The following PPP1R12B variants were observed in gnomAD, a reference collection of about 807,000 sequenced individuals.
The protein encoded by PPP1R12B is protein phosphatase 1 regulatory subunit 12B, also known as myosin phosphatase target subunit 2.
In PPP1R12B, 76 loss-of-function variants were observed where a neutral mutation model predicts 126.1. The observed-to-expected ratio is 0.60, with a 90% CI of 0.50 to 0.73. The LOEUF is 0.73. PPP1R12B is among the 30% of genes least tolerant of loss of function. PPP1R12B has a pLI of 0.00. For synonymous variants in PPP1R12B, 356 were observed against 434.7 expected (o/e 0.82, Z 2.25); for missense variants, 1,052 against 1,205.1 (o/e 0.87, Z 1.88).
chr1:202,481,544 A>C (rs1677365520), intron 13 of PPP1R12B, among the ~76,000 whole-genome samples: 1 of 115,276 alleles, frequency 8.7e-6, no homozygotes, highest in Non-Finnish European at 2.0e-5. Context: ...TTTTTTAATA[A>C]AAAAAAATTG....
At chr1:202,530,268 A>G (rs1316927749) in intron 18 of PPP1R12B, among the ~76,000 whole-genome samples, 1 of 152,076 alleles carries the variant, frequency 6.6e-6, no homozygotes, top group Non-Finnish European at 1.5e-5. Flanking sequence ...GCACCCTCCA[A>G]TCATTGTGAC....
chr1:202,467,977 A>G (rs1675275566), intron 13 of PPP1R12B, among the ~76,000 whole-genome samples: 1 of 152,204 alleles, frequency 6.6e-6, no homozygotes, highest in South Asian at 2.1e-4. Flanking sequence ...ATGGCCAGTG[A>G]TGATGAGCAT....
intron 1 of PPP1R12B, among the ~76,000 whole-genome samples, chr1:202,368,866 C>T (rs561008108): frequency 5.3e-5 from 8 of 152,150 alleles, no homozygotes; most frequent in South Asian, 2.1e-4. Context: ...TGAGTAGCTA[C>T]GACTACAGGA....
At chr1:202,501,785 T>C (rs1572299386) in intron 18 of PPP1R12B, 2 of 908,090 alleles carry the variant, frequency 2.2e-6, no homozygotes, top group East Asian at 2.4e-4. Flanking sequence ...TGTTTGACTG[T>C]AGTGAAGCAA....
chr1:202,403,174 G>A (rs567702877), intron 1 of PPP1R12B, among the ~76,000 whole-genome samples: 55 of 152,276 alleles, frequency 3.6e-4, no homozygotes, highest in African/African-American at 1.2e-3. Context: ...CTGGGGCACT[G>A]AGAAACGCAT....
At chr1:202,421,669 C>T (rs1668805191) in intron 2 of PPP1R12B, among the ~76,000 whole-genome samples, 2 of 150,824 alleles carry the variant, frequency 1.3e-5, no homozygotes, top group Admixed American at 6.6e-5. Flanking sequence ...AAAGGGGTTT[C>T]TTCAATATAG....
chr1:202,556,025 G>T (rs1686893876), intron 18 of PPP1R12B, among the ~76,000 whole-genome samples: 1 of 151,920 alleles, frequency 6.6e-6, no homozygotes, highest in African/African-American at 2.4e-5. Flanking sequence ...ACAAGCATGT[G>T]CCACCATACC....
At chr1:202,431,397 A>G in intron 7 of PPP1R12B, 83 bp from the exon 8 acceptor site, 1 of 1,136,340 alleles carries the variant, frequency 8.8e-7, no homozygotes, top group South Asian at 1.8e-5. Context: ...TATTGCTTCC[A>G]CATATAGGTT....
chr1:202,570,832 G>A (rs1349357541), intron 23 of PPP1R12B, among the ~76,000 whole-genome samples: 1 of 152,166 alleles, frequency 6.6e-6, no homozygotes, highest in Non-Finnish European at 1.5e-5. Flanking sequence ...TGAGCTAACT[G>A]TTTCTTGATG....
chr1:202,550,253 G>A (rs549085356), intron 18 of PPP1R12B, among the ~76,000 whole-genome samples: 10 of 152,260 alleles, frequency 6.6e-5, no homozygotes, highest in African/African-American at 2.4e-4. Context: ...TCACAGCCTA[G>A]TCCAAATAAA....
intron 18 of PPP1R12B, among the ~76,000 whole-genome samples, chr1:202,512,978 G>A (rs1487442535): frequency 1.3e-5 from 2 of 152,120 alleles, no homozygotes; most frequent in African/African-American, 2.4e-5. Context: ...CTCCTTGAAG[G>A]CAGGGTCTGG....
At chr1:202,547,436 G>A (rs1046296628) in intron 18 of PPP1R12B, among the ~76,000 whole-genome samples, 1 of 152,154 alleles carries the variant, frequency 6.6e-6, no homozygotes, top group Non-Finnish European at 1.5e-5. Context: ...TGGTTACACA[G>A]CATGGAAAGA....
At chr1:202,487,814 G>A (rs1678352076) in intron 13 of PPP1R12B, among the ~76,000 whole-genome samples, 1 of 152,048 alleles carries the variant, frequency 6.6e-6, no homozygotes, top group African/African-American at 2.4e-5. Context: ...CAGCATGTTG[G>A]TCAGGTTGGT....
intron 9 of PPP1R12B, among the ~76,000 whole-genome samples, chr1:202,435,076 T>C (rs1057249186): frequency 6.6e-6 from 1 of 152,174 alleles, no homozygotes; most frequent in Non-Finnish European, 1.5e-5. Context: ...GAAGGAGCTC[T>C]GGTGTCTCTT....
intron 9 of PPP1R12B, among the ~76,000 whole-genome samples, chr1:202,436,012 C>T (rs1351830696): frequency 1.3e-5 from 2 of 152,256 alleles, no homozygotes; most frequent in African/African-American, 2.4e-5. Flanking sequence ...ATAATCTCAG[C>T]ACTTTGGGAG....
chr1:202,555,353 AGCTTGTTTCGTC>A (rs1686803638), intron 18 of PPP1R12B, among the ~76,000 whole-genome samples: 1 of 121,584 alleles, frequency 8.2e-6, no homozygotes. Context: ...AAAAAAAAAA[AGCTTGTTTCGTC>A]ACCATAGAGG....
At chr1:202,481,951 C>A (rs888485602) in intron 13 of PPP1R12B, among the ~76,000 whole-genome samples, 2 of 152,082 alleles carry the variant, frequency 1.3e-5, no homozygotes, top group African/African-American at 4.8e-5. Context: ...ACTCCCCCCA[C>A]CTTTTTTTAG....
intron 22 of PPP1R12B, 61 bp downstream of exon 22, chr1:202,567,892 A>G (rs372490888): frequency 6.3e-7 from 1 of 1,575,294 alleles, no homozygotes; most frequent in Non-Finnish European, 8.7e-7. Context: ...ACTCTCTCCC[A>G]CTTTGTTATT....
chr1:202,403,692 A>C (rs1666168790), intron 1 of PPP1R12B, among the ~76,000 whole-genome samples: 1 of 152,266 alleles, frequency 6.6e-6, no homozygotes, highest in African/African-American at 2.4e-5. Context: ...AGTACTTGTT[A>C]GTTTGCTGCT....
Sources: allele counts gnomAD v4.1 joint callset (sites outside exome capture counted in the v4.1 genomes callset), GRCh38; gene constraint gnomAD v4.1.1; transcripts MANE v1.5; gene names NCBI Gene and HGNC (gene_info 2026-07-23, HGNC 2026-07-21).